RPS6KC1: variants seen among roughly 807,000 people sequenced by gnomAD.
RPS6KC1 encodes the protein inactive ribosomal protein S6 kinase delta-1.
In RPS6KC1, 54 loss-of-function variants were observed where a neutral mutation model predicts 103.8. The ratio of observed to expected loss-of-function variants is 0.52; its 90% CI spans 0.42 to 0.65. The LOEUF (loss-of-function observed/expected upper bound fraction) is 0.65, where lower values mean the gene tolerates loss of function less well. Among genes scored for constraint, RPS6KC1 ranks in the 30% least tolerant of loss-of-function variants. RPS6KC1 has a pLI of 0.00. For synonymous variants in RPS6KC1, 439 were observed against 438.7 expected, an observed-to-expected ratio of 1.00 and a Z score of -0.01; for missense variants, 1,151 against 1,253.8, an observed-to-expected ratio of 0.92 and a Z score of 1.24.
At chr1:213,776,675 A>G in the RPS6KC1 span, among the ~76,000 whole-genome samples, 2 of 152,222 alleles carry the variant, frequency 1.3e-5, no homozygotes, top group South Asian at 2.1e-4. Context: ...TTAAGTCACC[A>G]GCTCCATTAG....
At chr1:213,214,732 C>G (rs1426479116) in intron 8 of RPS6KC1, among the ~76,000 whole-genome samples, 1 of 152,214 alleles carries the variant, frequency 6.6e-6, no homozygotes, top group Non-Finnish European at 1.5e-5. Flanking sequence ...ATTCGCTGTT[C>G]TGCAGCCTCC....
At chr1:213,825,881 T>C in the RPS6KC1 span, among the ~76,000 whole-genome samples, 1 of 152,132 alleles carries the variant, frequency 6.6e-6, no homozygotes, top group Non-Finnish European at 1.5e-5. Context: ...AGCAGTAAAG[T>C]CTCCCACATA....
At chr1:213,355,439 C>T in the RPS6KC1 span, among the ~76,000 whole-genome samples, 1 of 152,118 alleles carries the variant, frequency 6.6e-6, no homozygotes, top group South Asian at 2.1e-4. Flanking sequence ...GGTCTATACA[C>T]TAGCACGGGC....
At chr1:213,117,948 G>C (rs781456598) in intron 5 of RPS6KC1, among the ~76,000 whole-genome samples, 3 of 145,418 alleles carry the variant, frequency 2.1e-5, no homozygotes, top group Non-Finnish European at 4.5e-5. Flanking sequence ...CTTGAACCTG[G>C]GAGGTGGAGT....
At chr1:213,119,517 A>C (rs2084138583) in intron 5 of RPS6KC1, among the ~76,000 whole-genome samples, 1 of 132,852 alleles carries the variant, frequency 7.5e-6, no homozygotes, top group Non-Finnish European at 1.6e-5. Context: ...TTCAATGAGG[A>C]GTGCAATAGT....
At chr1:213,191,490 A>G (rs775598240) in intron 8 of RPS6KC1, among the ~76,000 whole-genome samples, 3 of 152,110 alleles carry the variant, frequency 2.0e-5, no homozygotes, top group Non-Finnish European at 2.9e-5. Flanking sequence ...TTGATTTTGT[A>G]TCCTGCAATT....
chr1:213,456,173 G>A, the RPS6KC1 span, among the ~76,000 whole-genome samples: 2 of 152,204 alleles, frequency 1.3e-5, no homozygotes, highest in African/African-American at 4.8e-5. Flanking sequence ...TTGCCACGGA[G>A]TGTGCGTCCC....
At chr1:213,589,941 GTGTGTGTGTGTGT>G in the RPS6KC1 span, among the ~76,000 whole-genome samples, 2 of 75,378 alleles carry the variant, frequency 2.7e-5, no homozygotes, top group African/African-American at 8.2e-5. Context: ...AGGTAGTGGT[GTGTGTGTGTGTGT>G]GTGTGTGTGT....
the RPS6KC1 span, among the ~76,000 whole-genome samples, chr1:213,827,487 G>T: frequency 6.6e-6 from 1 of 152,138 alleles, no homozygotes; most frequent in Admixed American, 6.5e-5. Flanking sequence ...TTGTTGGAGG[G>T]AAGAACATTA....
the RPS6KC1 span, among the ~76,000 whole-genome samples, chr1:213,582,189 T>A: frequency 6.7e-6 from 1 of 150,084 alleles, no homozygotes; most frequent in African/African-American, 2.4e-5. Flanking sequence ...GTGAATGAAA[T>A]TGCTGCAGCT....
the RPS6KC1 span, among the ~76,000 whole-genome samples, chr1:213,756,615 C>T: frequency 2.6e-5 from 4 of 152,040 alleles, no homozygotes; most frequent in South Asian, 2.1e-4. Context: ...ATTTCAAATG[C>T]CCCCTCTTCC....
intron 6 of RPS6KC1, among the ~76,000 whole-genome samples, chr1:213,156,519 C>G (rs1365460836): frequency 1.3e-5 from 2 of 152,124 alleles, no homozygotes; most frequent in Non-Finnish European, 2.9e-5. Context: ...AACATGAATA[C>G]TACACCAAGG....
the RPS6KC1 span, among the ~76,000 whole-genome samples, chr1:213,463,216 T>C: frequency 6.6e-6 from 1 of 152,120 alleles, no homozygotes; most frequent in African/African-American, 2.4e-5. Context: ...TGTTGAAAAT[T>C]TGGAGTGCTG....
chr1:213,307,928 A>T, the RPS6KC1 span, among the ~76,000 whole-genome samples: 1 of 152,112 alleles, frequency 6.6e-6, no homozygotes, highest in African/African-American at 2.4e-5. Flanking sequence ...GGACCTTCTC[A>T]TGGCCTGTAG....
the RPS6KC1 span, among the ~76,000 whole-genome samples, chr1:213,700,338 T>C: frequency 6.6e-6 from 1 of 152,114 alleles, no homozygotes; most frequent in Admixed American, 6.5e-5. Flanking sequence ...CTTGACACCT[T>C]TGTTGAAAAT....
the RPS6KC1 span, among the ~76,000 whole-genome samples, chr1:213,626,052 TA>T: frequency 1.3e-5 from 2 of 152,222 alleles, no homozygotes; most frequent in African/African-American, 2.4e-5. Flanking sequence ...ACCAACAGTG[TA>T]AAAGTGTTCC....
the RPS6KC1 span, among the ~76,000 whole-genome samples, chr1:213,302,957 A>C: frequency 1.3e-5 from 2 of 152,348 alleles, no homozygotes; most frequent in African/African-American, 4.8e-5. Flanking sequence ...GCTTGAGAGA[A>C]TCTCAGTCCC....
chr1:213,587,449 C>G, the RPS6KC1 span, among the ~76,000 whole-genome samples: 1 of 152,128 alleles, frequency 6.6e-6, no homozygotes, highest in Admixed American at 6.5e-5. Context: ...TGGGAAGATA[C>G]CTTCAAGAAG....
chr1:213,307,424 T>C, the RPS6KC1 span, among the ~76,000 whole-genome samples: 1 of 152,154 alleles, frequency 6.6e-6, no homozygotes, highest in East Asian at 1.9e-4. Context: ...TCCTTCCCTG[T>C]GACATGTGAA....
Sources: allele counts gnomAD v4.1 joint callset (sites outside exome capture counted in the v4.1 genomes callset), GRCh38; gene constraint gnomAD v4.1.1; transcripts MANE v1.5; gene names NCBI Gene and HGNC (gene_info 2026-07-23, HGNC 2026-07-21).